SAP130: variants seen among roughly 807,000 people sequenced by gnomAD.
SAP130 encodes Sin3A associated protein 130.
In SAP130, 16 loss-of-function variants were observed where a neutral mutation model predicts 103.2. That is an observed-to-expected ratio of 0.16 (90% CI 0.10 to 0.24). The LOEUF (loss-of-function observed/expected upper bound fraction) is 0.24. Ranked by LOEUF, SAP130 falls within the 10% of genes least tolerant of loss-of-function variation. The pLI is 1.00. For synonymous variants in SAP130, 477 were observed against 497.0 expected (o/e 0.96, Z 0.53); for missense variants, 990 against 1,359.7 (o/e 0.73, Z 4.28).
At position 128,016,490 on chromosome 2, in the gene SAP130, G is replaced by T; in HGVS notation, c.406C>A (p.Leu136Met). 6.2e-7 allele frequency: 1 copy of T among 1,614,092 alleles called. No homozygotes were observed. The highest frequency in any genetic ancestry group is 8.5e-7 in the Non-Finnish European group (1 of 1,179,998). The change falls in exon 4 of 21, where the codon CTG (leucine) becomes ATG (methionine). Residue 136 changes from leucine to methionine, a missense_variant. Around this residue, in one of 6 missense-constraint regions of SAP130, gnomAD observed 167 missense variants for 187.4 expected, o/e 0.89. Transcript: ENST00000643581. ...RPIAPAPPST[L>M]SLPPKVPGQV... ...CCTGGAACCTTGGGGGGAAGTGACAGGGTAGAAGGTGGAGCAGGAGCAATG... is the reference window on the plus strand; with the variant it reads ...CCTGGAACCTTGGGGGGAAGTGACATGGTAGAAGGTGGAGCAGGAGCAATG...
chr2:127,974,667 G>A (rs1283784599), intron 15 of SAP130, among the ~76,000 whole-genome samples: 1 of 152,064 alleles, frequency 6.6e-6, no homozygotes, highest in Non-Finnish European at 1.5e-5. Flanking sequence ...TACAAAATCA[G>A]CCAGGCATGG....
At chr2:127,987,580 T>G (rs1393159754) in intron 13 of SAP130, among the ~76,000 whole-genome samples, 3 of 152,108 alleles carry the variant, frequency 2.0e-5, no homozygotes, top group African/African-American at 7.2e-5. Flanking sequence ...TCTCTCACTC[T>G]ACTAGTTACT....
At position 127,983,541 on chromosome 2, in the gene SAP130, T is replaced by C. The variant is rs375773259; in HGVS notation, c.1958+3244A>G. On this transcript the variant is annotated intron_variant, in intron 14 of 20. Coordinates refer to ENST00000643581, the MANE Select transcript of SAP130 (RefSeq NM_001330301.2). ...CCACTTTAGACAGCTGCAGGGCAAG[T>C]TGAGTCCCAGGTTTAAAGCAAGAAG... Among the ~76,000 whole-genome samples, 5 of 152,196 alleles carry C rather than the reference T, an allele frequency of 3.3e-5. No individual in the cohort carries two copies. In the East Asian group the frequency reaches 5.8e-4, roughly 18 times the overall value.
intron 7 of SAP130, among the ~76,000 whole-genome samples, chr2:128,000,940 G>C (rs755151437): frequency 1.3e-5 from 2 of 152,016 alleles, no homozygotes; most frequent in Non-Finnish European, 2.9e-5. Flanking sequence ...GAACTCTGTG[G>C]ATAAATCTGA....
intron 15 of SAP130, 85 bp downstream of exon 15, chr2:127,977,900 T>C (rs1229416128): frequency 1.4e-5 from 14 of 1,024,952 alleles, no homozygotes; most frequent in Non-Finnish European, 1.8e-5. Context: ...CTAACAAGAC[T>C]ATGTCATGCA....
intron 15 of SAP130, among the ~76,000 whole-genome samples, chr2:127,973,219 C>T (rs908513279): frequency 2.6e-5 from 4 of 152,122 alleles, no homozygotes; most frequent in Admixed American, 2.6e-4. Context: ...AATTCTAGAG[C>T]TGTATTACTT....
At position 128,026,184 on chromosome 2, in the gene SAP130, T is replaced by TA. The variant is rs759990374; in HGVS notation, c.108dup (p.Thr37TyrfsTer4). On this transcript the variant is annotated frameshift_variant, in exon 2 of 21. Coordinates refer to ENST00000643581, the MANE Select transcript of SAP130 (RefSeq NM_001330301.2). LOFTEE classifies it high-confidence loss of function. ...ATTAGAATATTACATATCTCACCTG[T>TA]AGCAGCTGGGTTTATCAATCCAGCA... The TA allele has an allele frequency of 6.2e-7, 1 of 1,603,932 alleles. No individual in the cohort carries two copies. The highest frequency in any genetic ancestry group is 8.5e-7 in the Non-Finnish European group (1 of 1,170,768).
intron 15 of SAP130, among the ~76,000 whole-genome samples, chr2:127,969,956 G>A (rs1233900117): frequency 1.3e-5 from 2 of 152,076 alleles, no homozygotes; most frequent in Admixed American, 6.6e-5. Flanking sequence ...TAGGCCAGAC[G>A]CAGTGGCTCA....
chr2:127,944,295 C>T (rs1200043827), intron 19 of SAP130, among the ~76,000 whole-genome samples: 1 of 152,122 alleles, frequency 6.6e-6, no homozygotes, highest in Non-Finnish European at 1.5e-5. Flanking sequence ...CCCAGCCTTC[C>T]AAAGTACTGG....
intron 2 of SAP130, among the ~76,000 whole-genome samples, chr2:128,019,697 C>T (rs926947083): frequency 5.9e-5 from 9 of 152,098 alleles, no homozygotes; most frequent in East Asian, 3.9e-4. Flanking sequence ...ATCAGCCTGT[C>T]CAACATGGTG....
At chr2:127,946,806 C>T (rs1679110654) in intron 18 of SAP130, among the ~76,000 whole-genome samples, 1 of 151,278 alleles carries the variant, frequency 6.6e-6, no homozygotes, top group Non-Finnish European at 1.5e-5. Flanking sequence ...ATTGCTTGAA[C>T]CCAGGAGGCG....
At chr2:127,949,095 T>C (rs1281158817) in intron 18 of SAP130, among the ~76,000 whole-genome samples, 3 of 152,174 alleles carry the variant, frequency 2.0e-5, no homozygotes, top group Non-Finnish European at 4.4e-5. Context: ...ACTGAACTGT[T>C]AGCATGTCCA....
At chr2:127,978,754 CA>C (rs1157971828) in intron 14 of SAP130, among the ~76,000 whole-genome samples, 2 of 152,064 alleles carry the variant, frequency 1.3e-5, no homozygotes, top group Non-Finnish European at 1.5e-5. Flanking sequence ...ACTAACATCT[CA>C]AAAAGGGTGA....
chr2:128,016,574 T>A lies in SAP130; in HGVS notation c.349-27A>T, dbSNP rs1018263046. The A allele has an allele frequency of 3.8e-6, 6 of 1,597,348 alleles. No homozygotes were observed. The East Asian group carries it at 6.7e-5, about 18-fold the overall frequency. On this transcript the variant is annotated intron_variant, in intron 3 of 20. Transcript: ENST00000643581. ...TGCAAACAGAAAACCACACAAAACA[T>A]ATCAATGGCCTCATACTGGTGATGC...
At position 127,942,181 on chromosome 2, in the gene SAP130, T is replaced by G; in HGVS notation, c.3016-17A>C. The G allele has an allele frequency of 6.3e-7, 1 of 1,575,022 alleles. No homozygotes were observed. Among genetic ancestry groups the G allele is most frequent in the Non-Finnish European group, 8.6e-7 (1 of 1,165,310 alleles). The stretch of plus-strand genomic sequence containing the variant: ...CATATTTCCCTGAAACAGAAGACAT[T>G]GCATCATCAATCAGTGACCATGAGG... On this transcript the variant is annotated splice_polypyrimidine_tract_variant and intron_variant, in intron 20 of 20. Transcript: ENST00000643581. The surrounding 1 kb of genome is among the most constrained non-coding windows in gnomAD (Gnocchi z 4.8).
chr2:128,011,905 C>T (rs1238297476), intron 6 of SAP130, among the ~76,000 whole-genome samples: 7 of 152,156 alleles, frequency 4.6e-5, no homozygotes, highest in African/African-American at 1.2e-4. Context: ...CTCTGCCTCT[C>T]GGACTCAAGT....
chr2:128,023,135 C>T (rs935403094), intron 2 of SAP130, among the ~76,000 whole-genome samples: 1 of 152,048 alleles, frequency 6.6e-6, no homozygotes. Flanking sequence ...GCCGGGATTA[C>T]CGGCACCCAC....
At chr2:127,976,640 G>A (rs569841939) in intron 15 of SAP130, among the ~76,000 whole-genome samples, 9 of 152,344 alleles carry the variant, frequency 5.9e-5, no homozygotes, top group African/African-American at 1.9e-4. Flanking sequence ...GGCCGGGCAC[G>A]GTGGCTCACG....
At chr2:127,992,248 AG>A (rs1259517621) in intron 12 of SAP130, among the ~76,000 whole-genome samples, 2 of 150,096 alleles carry the variant, frequency 1.3e-5, no homozygotes, top group Non-Finnish European at 2.9e-5. Context: ...CTGGGATTAC[AG>A]GCATCAGCCA....
Sources: allele counts gnomAD v4.1 joint callset (sites outside exome capture counted in the v4.1 genomes callset), GRCh38; gene constraint gnomAD v4.1.1; regional missense constraint gnomAD v4.1.1; non-coding constraint Gnocchi (gnomAD v3.1); transcripts MANE v1.5; gene names NCBI Gene and HGNC (gene_info 2026-07-23, HGNC 2026-07-21).